Variants in ARMC8 observed in about 807,000 individuals in gnomAD.
The protein encoded by ARMC8 is armadillo repeat-containing protein 8.
Under a neutral mutation model 99.3 loss-of-function variants are expected in ARMC8, and 20 were observed. The observed-to-expected ratio is 0.20, with a 90% CI of 0.14 to 0.29. The LOEUF (loss-of-function observed/expected upper bound fraction) is 0.29. Among genes scored for constraint, ARMC8 ranks in the 10% least tolerant of loss-of-function variants. The pLI is 1.00. For missense variants in ARMC8, 569 were observed against 809.5 expected, an observed-to-expected ratio of 0.70 and a Z score of 3.60; for synonymous variants, 263 against 278.3, an observed-to-expected ratio of 0.95 and a Z score of 0.55.
intron 12 of ARMC8, chr3:138,246,747 A>G: frequency 1.0e-6 from 1 of 985,512 alleles, no homozygotes; most frequent in Non-Finnish European, 1.2e-6. Context: ...ATCATGTTCT[A>G]GAAATACCTG....
chr3:138,239,617 T>A (rs2046507839), intron 10 of ARMC8, 89 bp downstream of exon 10: 14 of 814,740 alleles, frequency 1.7e-5, no homozygotes, highest in Non-Finnish European at 2.7e-5. Flanking sequence ...TTTTACACAT[T>A]TATCATTATG....
chr3:138,191,888 G>A (rs892784860), intron 1 of ARMC8, among the ~76,000 whole-genome samples: 17 of 152,154 alleles, frequency 1.1e-4, no homozygotes, highest in Admixed American at 9.2e-4. Flanking sequence ...ACCACAGCTC[G>A]TTTAACCATT....
At chr3:138,266,058 C>T (rs2048256626) in intron 14 of ARMC8, among the ~76,000 whole-genome samples, 1 of 152,178 alleles carries the variant, frequency 6.6e-6, no homozygotes, top group Non-Finnish European at 1.5e-5. Flanking sequence ...TGAGGCCTAT[C>T]AGAACAGTAT....
intron 2 of ARMC8, among the ~76,000 whole-genome samples, chr3:138,217,860 T>C (rs1052201913): frequency 6.6e-6 from 1 of 152,224 alleles, no homozygotes; most frequent in African/African-American, 2.4e-5. Context: ...CCTGCACCCA[T>C]GTGCCCAGAC....
intron 7 of ARMC8, among the ~76,000 whole-genome samples, chr3:138,236,818 AT>A (rs1317059203): frequency 1.3e-5 from 2 of 152,114 alleles, no homozygotes; most frequent in African/African-American, 2.4e-5. Flanking sequence ...CCTTGGTATT[AT>A]CCCAAACCAG....
intron 11 of ARMC8, 79 bp downstream of exon 11, chr3:138,242,062 T>G: frequency 8.8e-7 from 1 of 1,140,588 alleles, no homozygotes; most frequent in South Asian, 1.3e-5. Flanking sequence ...TTGAACCAAT[T>G]GATAACTACA....
At chr3:138,196,556 G>A (rs1299209842) in intron 1 of ARMC8, among the ~76,000 whole-genome samples, 1 of 152,074 alleles carries the variant, frequency 6.6e-6, no homozygotes, top group African/African-American at 2.4e-5. Context: ...TTCTTCACCT[G>A]TCCCAGTGTG....
intron 1 of ARMC8, among the ~76,000 whole-genome samples, chr3:138,193,423 G>C (rs2043510770): frequency 6.6e-6 from 1 of 152,026 alleles, no homozygotes; most frequent in African/African-American, 2.4e-5. Context: ...ACCGCGCCCA[G>C]CTAATTTTTT....
intron 19 of ARMC8, among the ~76,000 whole-genome samples, chr3:138,285,261 A>T (rs1476623186): frequency 2.0e-5 from 3 of 152,100 alleles, no homozygotes; most frequent in Admixed American, 6.5e-5. Flanking sequence ...TCCCTCCCCC[A>T]TTACAGTTAG....
chr3:138,222,056 A>T lies in ARMC8; in HGVS notation c.194+59A>T, dbSNP rs1045125757. On this transcript the variant is annotated intron_variant, in intron 3 of 21. Transcript: ENST00000469044. The stretch of plus-strand genomic sequence containing the variant: ...CATACTAGTTTCTAATGTATTTCTT[A>T]CTCTCAATTATAGAACCCATTTTTC... 6.8e-6 allele frequency: 9 copies of T among 1,331,046 alleles called. No individual in the cohort carries two copies. In the African/African-American group the frequency reaches 1.3e-4, roughly 19 times the overall value. 82.5% of individuals were successfully genotyped at this position (1,331,046 alleles called of 1,614,324 possible).
chr3:138,189,661 C>T (rs1358677264), intron 1 of ARMC8, among the ~76,000 whole-genome samples: 2 of 152,176 alleles, frequency 1.3e-5, no homozygotes, highest in African/African-American at 2.4e-5. Context: ...ATAATTTCAG[C>T]AAGGAGGCAT....
At position 138,251,109 on chromosome 3, in the gene ARMC8, C is replaced by T. The variant is rs529473787; in HGVS notation, c.1134+5926C>T. Among the ~76,000 whole-genome samples, 240 of 152,068 alleles carry T rather than the reference C, an allele frequency of 1.6e-3. 1 individual carries two copies. The highest frequency in any genetic ancestry group is 5.2e-3 in the African/African-American group (216 of 41,448). ...GAGGCTGCAGTGAGCCGTGATCACACTGTCACACCACTGTACTACTGCACT... is the reference window on the plus strand; with the variant it reads ...GAGGCTGCAGTGAGCCGTGATCACATTGTCACACCACTGTACTACTGCACT... On this transcript the variant is annotated intron_variant, in intron 12 of 21. Coordinates refer to ENST00000469044, the MANE Select transcript of ARMC8 (RefSeq NM_001363941.2).
At chr3:138,260,967 A>G (rs2047686979) in intron 12 of ARMC8, among the ~76,000 whole-genome samples, 1 of 152,184 alleles carries the variant, frequency 6.6e-6, no homozygotes, top group East Asian at 1.9e-4. Flanking sequence ...ATAATTTCCC[A>G]AGCCAGAAGG....
chr3:138,215,869 G>GT (rs887425968), intron 2 of ARMC8, among the ~76,000 whole-genome samples: 166 of 148,890 alleles, frequency 1.1e-3, no homozygotes, highest in African/African-American at 3.2e-3. Flanking sequence ...TTTATTTATT[G>GT]TTTTTTTTTG....
chr3:138,196,102 A>G (rs1448733909), intron 1 of ARMC8, among the ~76,000 whole-genome samples: 2 of 152,128 alleles, frequency 1.3e-5, no homozygotes, highest in East Asian at 3.9e-4. Context: ...CTTTTGCCTT[A>G]GGGGTGTTTT....
intron 19 of ARMC8, among the ~76,000 whole-genome samples, chr3:138,288,216 T>TCACACACAC (rs1383645609): frequency 1.3e-5 from 2 of 152,218 alleles, no homozygotes; most frequent in African/African-American, 4.8e-5. Context: ...GTCTAGGTGT[T>TCACACACAC]ACAGAACTTC....
chr3:138,226,335 T>G (rs1301739012), intron 5 of ARMC8, among the ~76,000 whole-genome samples: 1 of 152,238 alleles, frequency 6.6e-6, no homozygotes, highest in South Asian at 2.1e-4. Context: ...TGTGACATTC[T>G]TCAGGGAGTC....
Position 138,202,658 on chromosome 3 carries a change from A to G in ARMC8, c.46-7159A>G, listed in dbSNP as rs562551069. Among the ~76,000 whole-genome samples, 8 of 152,344 alleles carry G rather than the reference A, an allele frequency of 5.3e-5. No homozygotes were observed. The East Asian group carries it at 1.2e-3, about 22-fold the overall frequency. On this transcript the variant is annotated intron_variant, in intron 1 of 21. Transcript: ENST00000469044. The stretch of plus-strand genomic sequence containing the variant: ...AAATTTTACCTTTTTCCAAAGTTGC[A>G]TAGCTAGTAAGTGGTAAAACTAAAA...
At chr3:138,239,624 T>A in intron 10 of ARMC8, 96 bp downstream of exon 10, 17 of 734,058 alleles carry the variant, frequency 2.3e-5, no homozygotes, top group Non-Finnish European at 3.8e-5. Context: ...CATTTATCAT[T>A]ATGATATATG....
Sources: gnomAD v4.1 joint callset for allele counts (sites outside exome capture counted in the v4.1 genomes callset) on GRCh38, gnomAD v4.1.1 for gene constraint, MANE v1.5 for transcripts, NCBI Gene and HGNC (gene_info 2026-07-23, HGNC 2026-07-21) for gene names.